LRRIQ3: variants seen among roughly 807,000 people sequenced by gnomAD.
LRRIQ3 encodes the protein leucine rich repeats and IQ motif containing 3.
In LRRIQ3, 75 loss-of-function variants were observed where a neutral mutation model predicts 59.3. The observed-to-expected ratio is 1.26, with a 90% CI of 1.05 to 1.53. LRRIQ3 has a LOEUF of 1.53. Among genes scored for constraint, LRRIQ3 ranks in the 40% most tolerant of loss-of-function variants. LRRIQ3 has a pLI of 0.00. For missense variants in LRRIQ3, 831 were observed against 710.0 expected (o/e 1.17, Z -1.94); for synonymous variants, 250 against 231.3 (o/e 1.08, Z -0.73).
At chr1:74,188,814 C>T (rs1240032074) in intron 1 of LRRIQ3, among the ~76,000 whole-genome samples, 1 of 152,104 alleles carries the variant, frequency 6.6e-6, no homozygotes, top group Non-Finnish European at 1.5e-5. Context: ...CTGTAAAAGA[C>T]TTCTAAGTAC....
At chr1:74,068,200 T>C (rs2100461517) in intron 6 of LRRIQ3, among the ~76,000 whole-genome samples, 1 of 152,230 alleles carries the variant, frequency 6.6e-6, no homozygotes, top group African/African-American at 2.4e-5. Context: ...ATGATACTAA[T>C]TTCTGTATTT....
At chr1:74,123,836 G>A (rs566805552) in intron 4 of LRRIQ3, among the ~76,000 whole-genome samples, 1 of 152,084 alleles carries the variant, frequency 6.6e-6, no homozygotes, top group South Asian at 2.1e-4. Context: ...CAGTGGGAAT[G>A]CTGGATCATA....
chr1:74,051,331 A>T (rs974563398), intron 6 of LRRIQ3, among the ~76,000 whole-genome samples: 1 of 152,138 alleles, frequency 6.6e-6, no homozygotes, highest in Admixed American at 6.6e-5. Context: ...TTGCTTTTTG[A>T]TTATCAGTTA....
chr1:74,166,465 A>C (rs545135587), intron 3 of LRRIQ3, among the ~76,000 whole-genome samples: 6 of 151,750 alleles, frequency 4.0e-5, no homozygotes, highest in African/African-American at 1.2e-4. Context: ...CAGGTTTGTC[A>C]ATTTTATTCA....
Position 74,026,505 on chromosome 1 carries a change from T to G in LRRIQ3, c.*308A>C, listed in dbSNP as rs929752195. On this transcript the variant is annotated 3_prime_UTR_variant, in exon 8 of 8. Transcript: ENST00000354431. ...CTAAATTAGCTTATGAATTGCTATA[T>G]TTAGAAAGAATATGAAACAGAATAT... is the stretch of plus-strand genomic sequence containing the variant. 33 of 190,984 alleles carry G rather than the reference T, an allele frequency of 1.7e-4. No individual in the cohort carries two copies. The highest frequency in any genetic ancestry group is 3.1e-4 in the Non-Finnish European group (29 of 94,072). The allele number at this position is 190,984 out of a possible 1,614,324, so 11.8% of individuals were successfully genotyped here. A position where few individuals can be genotyped will look rare whatever the true frequency, so the allele number is the denominator to read the frequency against.
intron 4 of LRRIQ3, among the ~76,000 whole-genome samples, chr1:74,124,575 T>A (rs942787386): frequency 2.0e-5 from 3 of 151,994 alleles, no homozygotes; most frequent in African/African-American, 7.2e-5. Context: ...TTGCTCTGAC[T>A]GCAGATACCC....
intron 7 of LRRIQ3, among the ~76,000 whole-genome samples, chr1:74,033,603 G>A (rs936013225): frequency 6.6e-6 from 1 of 151,946 alleles, no homozygotes; most frequent in Non-Finnish European, 1.5e-5. Flanking sequence ...GTTTATTAAC[G>A]TCCGGTAGGA....
chr1:74,096,242 T>C (rs144664211), intron 5 of LRRIQ3, among the ~76,000 whole-genome samples: 196 of 152,234 alleles, frequency 1.3e-3, no homozygotes, highest in African/African-American at 4.6e-3. Context: ...AACTCCATGA[T>C]ACAGTAATGG....
At chr1:74,037,497 G>A (rs1293975831) in intron 7 of LRRIQ3, among the ~76,000 whole-genome samples, 2 of 152,150 alleles carry the variant, frequency 1.3e-5, no homozygotes, top group African/African-American at 4.8e-5. Context: ...AAACGGCTTG[G>A]TGTGGTGGCG....
chr1:74,033,022 T>C (rs2100363974), intron 7 of LRRIQ3, among the ~76,000 whole-genome samples: 1 of 152,128 alleles, frequency 6.6e-6, no homozygotes, highest in East Asian at 1.9e-4. Context: ...CGTTGGGAAA[T>C]AGATAAATTA....
chr1:74,080,810 G>A (rs1488013906), intron 5 of LRRIQ3, among the ~76,000 whole-genome samples: 1 of 151,546 alleles, frequency 6.6e-6, no homozygotes, highest in East Asian at 1.9e-4. Context: ...AGTATGCAAA[G>A]CCTTCACCTT....
chr1:74,100,671 C>T (rs1249283945), intron 5 of LRRIQ3, among the ~76,000 whole-genome samples: 1 of 152,152 alleles, frequency 6.6e-6, no homozygotes, highest in Non-Finnish European at 1.5e-5. Flanking sequence ...TACAAGGCTA[C>T]AGTAACCAAA....
intron 6 of LRRIQ3, among the ~76,000 whole-genome samples, chr1:74,044,152 A>C (rs899077700): frequency 5.3e-5 from 8 of 152,136 alleles, no homozygotes; most frequent in Admixed American, 6.6e-5. Context: ...ATGAGTAAGG[A>C]TCTACTCCTT....
chr1:74,135,172 T>C (rs183222320), intron 4 of LRRIQ3, among the ~76,000 whole-genome samples: 16 of 151,942 alleles, frequency 1.1e-4, no homozygotes, highest in Admixed American at 1.1e-3. Context: ...AATTTTACAG[T>C]GTTGGAAATG....
At chr1:74,044,621 A>G (rs1289157698) in intron 6 of LRRIQ3, among the ~76,000 whole-genome samples, 1 of 152,208 alleles carries the variant, frequency 6.6e-6, no homozygotes, top group Non-Finnish European at 1.5e-5. Flanking sequence ...AGATCAAAGC[A>G]GAACTGAAGG....
At chr1:74,167,686 C>T (rs1371647486) in intron 3 of LRRIQ3, among the ~76,000 whole-genome samples, 1 of 151,194 alleles carries the variant, frequency 6.6e-6, no homozygotes, top group African/African-American at 2.4e-5. Context: ...GATGGGAGCA[C>T]CAAAATCTCA....
At position 74,041,808 on chromosome 1, in the gene LRRIQ3, G is replaced by T. The variant is rs766341411; in HGVS notation, c.1123C>A (p.Gln375Lys). ...TGAGGATATGCAGGAAAAAAATGTT[G>T]TTTTTTCTCTCTCAATACTGCATTA... ...KNNAVLREKK[Q>K]HFFPAYPQPI... is the part of the protein sequence containing the mutation. Residue 375 changes from glutamine (Q) to lysine (K), a missense_variant, in exon 7 of 8, where the codon CAA becomes AAA. Gln to Lys is a moderately conservative substitution (Grantham distance 53). Transcript: ENST00000354431. The T allele has an allele frequency of 6.2e-7, 1 of 1,613,376 alleles. No homozygotes were observed. The highest frequency in any genetic ancestry group is 1.1e-5 in the South Asian group (1 of 91,058).
In LRRIQ3 at chr1:74,183,638, C is replaced by T. The variant is rs1286960020; in HGVS notation, c.47G>A (p.Trp16Ter). The change falls in exon 2 of 8, where the codon TGG (tryptophan) becomes TAG (stop). Residue 16 changes from tryptophan to a stop codon, truncating the protein, a stop_gained. Transcript: ENST00000354431. LOFTEE classifies it high-confidence loss of function. ...VTEELTSHEE[W>*]SHYNENIREG... ...TCTTATGTTTTCATTATAGTGACTC[C>T]ATTCTTCATGACTGGTTAGCTCTTC... The T allele has an allele frequency of 1.9e-6, 3 of 1,610,202 alleles. No homozygotes were observed. Among genetic ancestry groups the T allele is most frequent in the Admixed American group, 3.4e-5 (2 of 59,672 alleles).
Position 74,041,840 on chromosome 1 carries a change from A to G in LRRIQ3, c.1091T>C (p.Leu364Ser). The change falls in exon 7 of 8, where the codon TTG becomes TCG. Residue 364 changes from leucine to serine, a missense_variant. Leu to Ser is a moderately radical substitution (Grantham distance 145, BLOSUM62 -2). Transcript: ENST00000354431. ...FKLPIYTSGS[L>S]KNNAVLREKK... ...CTCTCTCAATACTGCATTATTCTTC[A>G]ATGAACCTGAAGTGTATATGGGTAG... The G allele has an allele frequency of 6.2e-6, 10 of 1,613,486 alleles. No individual in the cohort carries two copies. Among genetic ancestry groups the G allele is most frequent in the Non-Finnish European group, 8.5e-6 (10 of 1,179,710 alleles).
Sources: gnomAD v4.1 joint callset for allele counts (sites outside exome capture counted in the v4.1 genomes callset) on GRCh38, gnomAD v4.1.1 for gene constraint, MANE v1.5 for transcripts, NCBI Gene and HGNC (gene_info 2026-07-23, HGNC 2026-07-21) for gene names.